The following RASA1 variants were observed in gnomAD, a reference collection of about 807,000 sequenced individuals.
The protein encoded by RASA1 is RAS p21 protein activator 1, also known as ras GTPase-activating protein 1.
Under a neutral mutation model 132.2 loss-of-function variants are expected in RASA1, and 25 were observed. That is an observed-to-expected ratio of 0.19 (90% confidence interval 0.14 to 0.26). RASA1 has a LOEUF of 0.26. Among genes scored for constraint, RASA1 ranks in the 10% least tolerant of loss-of-function variants. The pLI is 1.00. For synonymous variants in RASA1, 477 were observed against 449.9 expected (o/e 1.06, Z -0.76); for missense variants, 964 against 1,299.2 (o/e 0.74, Z 3.97).
intron 1 of RASA1, among the ~76,000 whole-genome samples, chr5:87,304,099 T>A (rs767942791): frequency 6.6e-6 from 1 of 151,718 alleles, no homozygotes; most frequent in Non-Finnish European, 1.5e-5. Context: ...CCTCCCAAAG[T>A]TTTGGGATTA....
Position 87,268,685 on chromosome 5 carries a change from A to T in RASA1, c.234A>T (p.Ala78=), listed in dbSNP as rs763532702. 1.2e-6 allele frequency: 2 copies of T among 1,611,658 alleles called. No homozygotes were observed. The highest frequency in any genetic ancestry group is 1.3e-5 in the African/African-American group (1 of 74,998). ...AGTTCCTAGGAGCCGGGTCTGTGGC[A>T]GGGGCACTGGGGGGAGCTGGACTGA... ...GSEFLGAGSV[A]GALGGAGLTG... The change falls in exon 1 of 25, where the codon GCA becomes GCT. Residue 78 remains alanine (A), a synonymous_variant. Transcript: ENST00000274376.
At chr5:87,284,346 A>G (rs1258160415) in intron 1 of RASA1, among the ~76,000 whole-genome samples, 1 of 152,190 alleles carries the variant, frequency 6.6e-6, no homozygotes, top group Non-Finnish European at 1.5e-5. Flanking sequence ...CTCTATATAG[A>G]CAGACAGGTA....
intron 17 of RASA1, among the ~76,000 whole-genome samples, 190 bp from the exon 18 acceptor site, chr5:87,378,206 A>G (rs1409676780): frequency 6.6e-6 from 1 of 152,208 alleles, no homozygotes; most frequent in Non-Finnish European, 1.5e-5. Context: ...GGTAATACAT[A>G]TGAAAGTCTT....
intron 11 of RASA1, chr5:87,366,406 T>A: frequency 2.5e-6 from 1 of 399,446 alleles, no homozygotes; most frequent in Non-Finnish European, 5.1e-6. Context: ...CACATTACAC[T>A]TGATGGTAAA....
Position 87,389,431 on chromosome 5 carries a change from A to G in RASA1, c.2964A>G (p.Arg988=). 1.2e-6 allele frequency: 2 copies of G among 1,614,180 alleles called. No individual in the cohort carries two copies. The highest frequency in any genetic ancestry group is 2.7e-5 in the African/African-American group (2 of 75,060). The change falls in exon 24 of 25, where the codon AGA becomes AGG. Residue 988 remains arginine (R), a synonymous_variant. Coordinates refer to ENST00000274376, the MANE Select transcript of RASA1 (RefSeq NM_002890.3). ...PELPDTTEHS[R]TDLSRDLAAL... ...TTCCGGACACTACAGAGCATTCTAGAACGGACCTGTCCCGTGATTTAGCAG... is the reference window on the plus strand; with the variant it reads ...TTCCGGACACTACAGAGCATTCTAGGACGGACCTGTCCCGTGATTTAGCAG...
At position 87,268,175 on chromosome 5, in the gene RASA1, G is replaced by T. The variant is rs1001061112; in HGVS notation, c.-277G>T. 58 of 519,316 alleles carry T rather than the reference G, an allele frequency of 1.1e-4. No homozygotes were observed. The highest frequency in any genetic ancestry group is 1.9e-4 in the Non-Finnish European group (57 of 296,318). 32.2% of individuals were successfully genotyped at this position (519,316 alleles called of 1,614,324 possible). On this transcript the variant is annotated 5_prime_UTR_variant, in exon 1 of 25. Transcript: ENST00000274376. ...TTTTCGCTTCTGTACATGTGTTTGT[G>T]TGCGTGAGTGTGGGTGTGTGCGGTG...
At chr5:87,303,574 T>G (rs989806140) in intron 1 of RASA1, among the ~76,000 whole-genome samples, 1 of 152,250 alleles carries the variant, frequency 6.6e-6, no homozygotes, top group East Asian at 1.9e-4. Context: ...CACATAAATG[T>G]CAACTTTTAC....
At chr5:87,380,384 C>CT in intron 19 of RASA1, 125 bp from the exon 20 acceptor site, 2 of 879,982 alleles carry the variant, frequency 2.3e-6, no homozygotes, top group Non-Finnish European at 3.8e-6. Context: ...TGGCAAAATA[C>CT]TTTTTTGGGT....
intron 1 of RASA1, among the ~76,000 whole-genome samples, chr5:87,311,515 T>A (rs1164830507): frequency 6.6e-6 from 1 of 152,126 alleles, no homozygotes; most frequent in East Asian, 1.9e-4. Context: ...AAGGCTACAG[T>A]TTAAAATCAG....
At chr5:87,381,630 A>C (rs1761723390) in intron 20 of RASA1, among the ~76,000 whole-genome samples, 1 of 152,190 alleles carries the variant, frequency 6.6e-6, no homozygotes. Context: ...ATATGACATA[A>C]TATTTAAGAA....
Position 87,372,083 on chromosome 5 carries a change from T to C in RASA1, c.1699-35T>C, listed in dbSNP as rs180996961. 6.8e-4 allele frequency: 1,069 copies of C among 1,569,692 alleles called. 12 individuals are homozygous for C. The East Asian group carries it at 0.019, about 28-fold the overall frequency. ...ATGATTTGGAAGCCAAATAAACTAGTGTATATTTCTTTGAAGTGCTGTTTT... is the reference window on the plus strand; with the variant it reads ...ATGATTTGGAAGCCAAATAAACTAGCGTATATTTCTTTGAAGTGCTGTTTT... On this transcript the variant is annotated intron_variant, in intron 12 of 24. Coordinates refer to ENST00000274376, the MANE Select transcript of RASA1 (RefSeq NM_002890.3).
chr5:87,287,448 TATATATACC>T (rs1561256882), intron 1 of RASA1, among the ~76,000 whole-genome samples: 1 of 146,454 alleles, frequency 6.8e-6, no homozygotes, highest in Non-Finnish European at 1.5e-5. Context: ...ATATACACCA[TATATATACC>T]ATATATATAC....
chr5:87,324,115 A>T (rs1237171726), intron 1 of RASA1, among the ~76,000 whole-genome samples: 1 of 152,232 alleles, frequency 6.6e-6, no homozygotes, highest in Non-Finnish European at 1.5e-5. Flanking sequence ...GTGATTTCTT[A>T]TCTTCATGTG....
At chr5:87,278,917 T>TG (rs1286547858) in intron 1 of RASA1, among the ~76,000 whole-genome samples, 1 of 143,806 alleles carries the variant, frequency 7.0e-6, no homozygotes, top group Admixed American at 6.9e-5. Context: ...TTCTTTTTTT[T>TG]TTTTTTTTTT....
At chr5:87,362,475 A>G in intron 9 of RASA1, 76 bp from the exon 10 acceptor site, 1 of 1,453,270 alleles carries the variant, frequency 6.9e-7, no homozygotes, top group South Asian at 1.2e-5. Context: ...TTGGCTTTTA[A>G]TTGGTACTTT....
chr5:87,301,164 T>A (rs144605281), intron 1 of RASA1, among the ~76,000 whole-genome samples: 189 of 152,354 alleles, frequency 1.2e-3, no homozygotes, highest in African/African-American at 4.3e-3. Flanking sequence ...CACATTGTTA[T>A]AAAGTGTTTA....
intron 1 of RASA1, among the ~76,000 whole-genome samples, chr5:87,270,801 AGTT>A (rs571274506): frequency 6.7e-4 from 102 of 152,026 alleles, no homozygotes; most frequent in Admixed American, 4.2e-3. Flanking sequence ...GGAAAAGTAA[AGTT>A]AGTCATATTT....
chr5:87,376,674 A>C lies in RASA1; in HGVS notation c.2184+109A>C, dbSNP rs6888902. The stretch of plus-strand genomic sequence containing the variant: ...TAGTAATTCATAGCTTAGTAGCACA[A>C]TGATGCCAGAGATTTTAAACCTTGT... On this transcript the variant is annotated intron_variant, in intron 16 of 24. Transcript: ENST00000274376. 3,379 of 1,365,966 alleles carry C rather than the reference A, an allele frequency of 2.5e-3. 52 individuals carry two copies. In the African/African-American group the frequency reaches 0.041, roughly 17 times the overall value. The allele number at this position is 1,365,966 out of a possible 1,614,324, so 84.6% of individuals were successfully genotyped here. A position where few individuals can be genotyped will look rare whatever the true frequency, so the allele number is the denominator to read the frequency against.
Position 87,378,285 on chromosome 5 carries a change from C to T in RASA1, c.2345-111C>T, listed in dbSNP as rs77608942. The stretch of plus-strand genomic sequence containing the variant: ...TACTTTCAACGCTGCACGCAAAAAG[C>T]ACATTTAAGTGGCTATTCCTGTTGA... On this transcript the variant is annotated intron_variant, in intron 17 of 24. Transcript: ENST00000274376. 6,155 of 1,273,172 alleles carry T rather than the reference C, an allele frequency of 4.8e-3. 77 individuals carry two copies. The highest frequency in any genetic ancestry group is 0.041 in the African/African-American group (2,768 of 67,604). The allele number at this position is 1,273,172 out of a possible 1,614,324, so 78.9% of individuals were successfully genotyped here. A position where few individuals can be genotyped will look rare whatever the true frequency, so the allele number is the denominator to read the frequency against.
Sources: allele counts gnomAD v4.1 joint callset (sites outside exome capture counted in the v4.1 genomes callset), GRCh38; gene constraint gnomAD v4.1.1; transcripts MANE v1.5; gene names NCBI Gene and HGNC (gene_info 2026-07-23, HGNC 2026-07-21).